Variants in BCOR observed in about 807,000 individuals in gnomAD.
BCOR encodes BCL6 corepressor.
BCOR carries 10 observed loss-of-function variants against 86.7 expected under a neutral mutation model. That is an observed-to-expected ratio of 0.12 (90% CI 0.07 to 0.20). The LOEUF is 0.20. Ranked by LOEUF, BCOR falls within the 10% of genes least tolerant of loss-of-function variation. The probability of loss-of-function intolerance (pLI) is 1.00; values close to 1 mark genes in which losing one functional copy is unlikely to be tolerated. For synonymous variants in BCOR, 611 were observed against 609.0 expected (o/e 1.00, Z -0.05); for missense variants, 1,259 against 1,452.1 (o/e 0.87, Z 2.16).
intron 10 of BCOR, among the ~76,000 whole-genome samples, chrX:40,058,297 TG>T (rs753248452): frequency 8.9e-6 from 1 of 112,309 alleles, no homozygotes; most frequent in African/African-American, 3.2e-5. Flanking sequence ...TTCAAACACA[TG>T]GAACAGTATC....
chrX:40,136,196 C>T (rs1937677779), intron 1 of BCOR, among the ~76,000 whole-genome samples: 1 of 112,197 alleles, frequency 8.9e-6, no homozygotes, highest in Non-Finnish European at 1.9e-5. Flanking sequence ...CCCACTTGTC[C>T]GTAGAAGATG....
chrX:40,139,474 T>TAC (rs1937839457), intron 1 of BCOR, among the ~76,000 whole-genome samples: 1 of 11,174 alleles, frequency 8.9e-5, no homozygotes, highest in African/African-American at 8.3e-4. Flanking sequence ...TATATATATA[T>TAC]ATATATATAT....
At chrX:40,139,627 C>T (rs1446067989) in intron 1 of BCOR, among the ~76,000 whole-genome samples, 1 of 97,316 alleles carries the variant, frequency 1.0e-5, no homozygotes, top group Non-Finnish European at 2.1e-5. Flanking sequence ...CTAGCTAACA[C>T]GGTGAAACCC....
chrX:40,163,244 A>C (rs1158947567), intron 1 of BCOR, among the ~76,000 whole-genome samples: 1 of 110,685 alleles, frequency 9.0e-6, no homozygotes, highest in Admixed American at 9.6e-5. Flanking sequence ...ATAGAATGCT[A>C]ATCTTTTACC....
At position 40,072,844 on chromosome X, in the gene BCOR, G is replaced by A. The variant is rs776803302; in HGVS notation, c.2502C>T (p.Ser834=). ...PSFAAESVGQ[S]AEPPKPSVEP... is the part of the protein sequence containing the mutation. Reference sequence around the variant, plus strand: ...CAACTGAGGGCTTGGGGGGCTCAGCGCTCTGGCCAACACTCTCTGCTGCAA... The same window carrying A: ...CAACTGAGGGCTTGGGGGGCTCAGCACTCTGGCCAACACTCTCTGCTGCAA... Residue 834 remains serine (S), a synonymous_variant, in exon 4 of 15, where the codon AGC becomes AGT. Coordinates refer to ENST00000378444, the MANE Select transcript of BCOR (RefSeq NM_001123385.2). 9.1e-6 allele frequency: 11 copies of A among 1,209,855 alleles called. No individual in the cohort carries two copies. The highest frequency in any genetic ancestry group is 1.8e-5 in the African/African-American group (1 of 57,094).
At chrX:40,068,151 A>G in intron 6 of BCOR, 1 of 111,932 alleles carries the variant, frequency 8.9e-6, no homozygotes, top group Admixed American at 9.4e-5. Flanking sequence ...TGCCATTGCA[A>G]TACCTCCTGG....
At chrX:40,174,990 T>G (rs949559073) in intron 1 of BCOR, among the ~76,000 whole-genome samples, 10 of 113,280 alleles carry the variant, frequency 8.8e-5, no homozygotes, top group Non-Finnish European at 1.5e-4. Flanking sequence ...GAATCCACGT[T>G]TTCTAGCCCG....
intron 3 of BCOR, among the ~76,000 whole-genome samples, chrX:40,075,811 T>G (rs955524973): frequency 2.7e-5 from 3 of 111,504 alleles, no homozygotes; most frequent in Non-Finnish European, 5.7e-5. Flanking sequence ...GATTTTTACC[T>G]TCTCAGCAAA....
At chrX:40,161,849 A>G (rs1721553580) in intron 1 of BCOR, among the ~76,000 whole-genome samples, 1 of 112,010 alleles carries the variant, frequency 8.9e-6, no homozygotes, top group African/African-American at 3.2e-5. Flanking sequence ...TACATCAAGT[A>G]CATAACGGTC....
chrX:40,111,003 A>G (rs1434119947), intron 1 of BCOR, among the ~76,000 whole-genome samples: 2 of 109,674 alleles, frequency 1.8e-5, no homozygotes, highest in African/African-American at 3.3e-5. Flanking sequence ...GTGAGCCACC[A>G]CGCCCGGCCG....
At chrX:40,136,814 A>T (rs1473682381) in intron 1 of BCOR, among the ~76,000 whole-genome samples, 4 of 112,244 alleles carry the variant, frequency 3.6e-5, no homozygotes, top group Non-Finnish European at 5.6e-5. Flanking sequence ...AGAAAAAAAC[A>T]TTTTGTAGAA....
At position 40,070,842 on chromosome X, in the gene BCOR, C is replaced by G. The variant is rs934411746; in HGVS notation, c.3238+131G>C. 1.6e-5 allele frequency: 10 copies of G among 621,308 alleles called. No individual in the cohort carries two copies. The South Asian group carries it at 2.1e-4, about 13-fold the overall frequency. The allele number at this position is 621,308 out of a possible 1,213,427, so 51.2% of individuals were successfully genotyped here. On this transcript the variant is annotated intron_variant, in intron 6 of 14. Coordinates refer to ENST00000378444, the MANE Select transcript of BCOR (RefSeq NM_001123385.2). ...AGGAAACTATCTTTCACAGACGCCT[C>G]GTTCCTGGTTGCCACCATTCATAAG...
At chrX:40,117,600 G>C (rs5963741) in intron 1 of BCOR, among the ~76,000 whole-genome samples, 19,049 of 111,236 alleles carry the variant, frequency 0.17, 3,150 homozygotes, top group African/African-American at 0.52. Flanking sequence ...CATAATAGAA[G>C]TGAATTCATA....
chrX:40,078,434 G>T (rs898053635), intron 1 of BCOR, among the ~76,000 whole-genome samples: 4 of 112,087 alleles, frequency 3.6e-5, no homozygotes, highest in Non-Finnish European at 7.5e-5. Flanking sequence ...TGCAAGAAGG[G>T]TGGAAGGCAC....
rs138108604 is a variant in BCOR at position 40,095,636 on chromosome X, C to G, written c.-41+1579G>C. ...AACCCCGAGCTGTCTAGTCTAGACG[C>G]AGCGAGGCTGTGCGAATACCTATTT... On this transcript the variant is annotated intron_variant, in intron 1 of 14. Coordinates refer to ENST00000378444, the MANE Select transcript of BCOR (RefSeq NM_001123385.2). Among the ~76,000 whole-genome samples, 55 of 112,495 alleles carry G rather than the reference C, an allele frequency of 4.9e-4. 2 individuals are homozygous for G. In the East Asian group the frequency reaches 0.015, roughly 31 times the overall value.
chrX:40,098,617 C>G, upstream of BCOR, among the ~76,000 whole-genome samples: 1 of 112,084 alleles, frequency 8.9e-6, no homozygotes, highest in Non-Finnish European at 1.9e-5. Context: ...CCGCTGCCGC[C>G]GCCTCTTGCC....
intron 6 of BCOR, among the ~76,000 whole-genome samples, chrX:40,066,151 G>A (rs1436818765): frequency 1.8e-5 from 2 of 111,588 alleles, no homozygotes; most frequent in African/African-American, 6.5e-5. Flanking sequence ...GCTGGGACTG[G>A]GATTCGGCAC....
intron 1 of BCOR, among the ~76,000 whole-genome samples, chrX:40,088,663 T>C (rs1484127298): frequency 8.9e-6 from 1 of 112,289 alleles, no homozygotes; most frequent in South Asian, 3.7e-4. Flanking sequence ...CTCATGCTAG[T>C]AATTTTTTTA....
At chrX:40,093,663 A>G (rs1371658849) in intron 1 of BCOR, among the ~76,000 whole-genome samples, 1 of 111,712 alleles carries the variant, frequency 9.0e-6, no homozygotes, top group Non-Finnish European at 1.9e-5. Context: ...AAGTATGTCT[A>G]TTTATATAGA....
Sources: gnomAD v4.1 joint callset for allele counts (sites outside exome capture counted in the v4.1 genomes callset) on GRCh38, gnomAD v4.1.1 for gene constraint, MANE v1.5 for transcripts, NCBI Gene and HGNC (gene_info 2026-07-23, HGNC 2026-07-21) for gene names.